DMRT1: variants seen among roughly 807,000 people sequenced by gnomAD.
DMRT1 encodes doublesex and mab-3 related transcription factor 1.
Under a neutral mutation model 32.3 loss-of-function variants are expected in DMRT1, and 7 were observed. The ratio of observed to expected loss-of-function variants is 0.22; its 90% CI spans 0.12 to 0.41. The LOEUF (loss-of-function observed/expected upper bound fraction) is 0.41, where lower values mean the gene tolerates loss of function less well. Ranked by LOEUF, DMRT1 falls within the 10% of genes least tolerant of loss-of-function variation. The pLI is 1.00. For synonymous variants in DMRT1, 278 were observed against 206.1 expected (o/e 1.35, Z -2.99); for missense variants, 625 against 500.5 (o/e 1.25, Z -2.37).
chr9:897,393 G>C (rs1040850500), intron 3 of DMRT1, among the ~76,000 whole-genome samples: 1 of 152,016 alleles, frequency 6.6e-6, no homozygotes, highest in Non-Finnish European at 1.5e-5. Flanking sequence ...TGGGATTACA[G>C]GCGTGAGGGA....
chr9:873,641 A>G (rs1227366794), intron 2 of DMRT1, among the ~76,000 whole-genome samples: 1 of 152,136 alleles, frequency 6.6e-6, no homozygotes, highest in Non-Finnish European at 1.5e-5. Context: ...TAATGTTCTT[A>G]GGTTATCGCT....
At chr9:934,561 G>C (rs1818825549) in intron 4 of DMRT1, among the ~76,000 whole-genome samples, 1 of 152,124 alleles carries the variant, frequency 6.6e-6, no homozygotes, top group Non-Finnish European at 1.5e-5. Context: ...ATTTTAAAAA[G>C]AGAAGTCATT....
chr9:860,810 G>A (rs1815625205), intron 2 of DMRT1, among the ~76,000 whole-genome samples: 1 of 152,220 alleles, frequency 6.6e-6, no homozygotes, highest in Admixed American at 6.5e-5. Context: ...TTCTCATCAA[G>A]ATCTGGGGAA....
rs912010164 is a variant in DMRT1, at chr9:915,462, C to T, written c.823-1301C>T. On this transcript the variant is annotated intron_variant, in intron 3 of 4. Coordinates refer to ENST00000382276, the MANE Select transcript of DMRT1 (RefSeq NM_021951.3). ...GGTCCTAAAGGCAGGGTCTGGTTGC[C>T]GGAAAAAAATGAATGACTGCTGTGC... is the stretch of plus-strand genomic sequence containing the variant. 4.0e-5 allele frequency among the ~76,000 whole-genome samples: 6 copies of T among 150,342 alleles called. No individual in the cohort carries two copies. In the East Asian group the frequency reaches 6.0e-4, roughly 15 times the overall value.
Position 894,019 on chromosome 9 carries a change from C to A in DMRT1, c.646C>A (p.Pro216Thr). ...CACCTACTACAGCAGCTTCTACCAG[C>A]CGTCTCTGTTTCCTTATTACAACAA... ...DSTYYSSFYQ[P>T]SLFPYYNNLY... Residue 216 changes from proline (P) to threonine (T), a missense_variant, in exon 3 of 5, where the codon CCG (proline) becomes ACG (threonine). Physicochemically the swap from Pro to Thr is conservative, Grantham distance 38. Coordinates refer to ENST00000382276, the MANE Select transcript of DMRT1 (RefSeq NM_021951.3). 6.2e-7 allele frequency: 1 copy of A among 1,614,268 alleles called. No individual in the cohort carries two copies. The highest frequency in any genetic ancestry group is 8.5e-7 in the Non-Finnish European group (1 of 1,180,038).
intron 3 of DMRT1, among the ~76,000 whole-genome samples, chr9:898,637 A>T (rs1312253339): frequency 1.3e-5 from 2 of 152,034 alleles, no homozygotes; most frequent in Non-Finnish European, 2.9e-5. Context: ...CCACCGCTGC[A>T]CTTGGAGAGC....
intron 3 of DMRT1, among the ~76,000 whole-genome samples, chr9:914,273 A>G (rs992361901): frequency 6.6e-6 from 1 of 151,754 alleles, no homozygotes; most frequent in African/African-American, 2.4e-5. Flanking sequence ...TTAACCTTCT[A>G]TTTAGTAAAG....
At chr9:947,954 A>C (rs755616678) in intron 4 of DMRT1, among the ~76,000 whole-genome samples, 3 of 152,310 alleles carry the variant, frequency 2.0e-5, no homozygotes, top group Middle Eastern at 3.4e-3. Context: ...TGTTTCTGTT[A>C]GATGTTCCAG....
intron 4 of DMRT1, among the ~76,000 whole-genome samples, chr9:934,217 A>C (rs1285712054): frequency 6.6e-6 from 1 of 152,146 alleles, no homozygotes; most frequent in Non-Finnish European, 1.5e-5. Context: ...ATCAGATAGA[A>C]GATGTGCACA....
chr9:894,791 G>GTTTTTTTTTTTT (rs1231759673), intron 3 of DMRT1: 9 of 147,992 alleles, frequency 6.1e-5, no homozygotes, highest in East Asian at 4.0e-4. Context: ...CTCCAAGTTT[G>GTTTTTTTTTTTT]TTTTTTTTTT....
chr9:848,799 C>A (rs920855633), intron 2 of DMRT1, among the ~76,000 whole-genome samples: 3 of 145,508 alleles, frequency 2.1e-5, no homozygotes, highest in Non-Finnish European at 4.5e-5. Flanking sequence ...AAGTGATCCA[C>A]CCACCTCAGC....
intron 2 of DMRT1, among the ~76,000 whole-genome samples, chr9:881,115 C>G (rs575979091): frequency 6.6e-6 from 1 of 152,050 alleles, no homozygotes; most frequent in Non-Finnish European, 1.5e-5. Context: ...ATAGACCCCC[C>G]CCACCTCCTC....
At chr9:908,157 T>C (rs1156531224) in intron 3 of DMRT1, among the ~76,000 whole-genome samples, 1 of 152,204 alleles carries the variant, frequency 6.6e-6, no homozygotes, top group Non-Finnish European at 1.5e-5. Context: ...TAATGGGTAT[T>C]CAGGATTGTT....
At chr9:960,880 G>T (rs188455352) in intron 4 of DMRT1, among the ~76,000 whole-genome samples, 1 of 152,184 alleles carries the variant, frequency 6.6e-6, no homozygotes, top group Admixed American at 6.5e-5. Flanking sequence ...GAAGTGGAGT[G>T]GGGGAGCAGT....
chr9:936,500 C>G (rs935766478), intron 4 of DMRT1, among the ~76,000 whole-genome samples: 2 of 152,056 alleles, frequency 1.3e-5, no homozygotes, highest in Non-Finnish European at 2.9e-5. Flanking sequence ...GCCTGTAATC[C>G]TAGAACTTTG....
chr9:895,384 G>A (rs1817314211), intron 3 of DMRT1, among the ~76,000 whole-genome samples: 1 of 152,172 alleles, frequency 6.6e-6, no homozygotes, highest in Non-Finnish European at 1.5e-5. Flanking sequence ...CCAAGTGAAA[G>A]ACATTAGGAT....
At chr9:866,346 G>A (rs1341400339) in intron 2 of DMRT1, among the ~76,000 whole-genome samples, 1 of 151,972 alleles carries the variant, frequency 6.6e-6, no homozygotes, top group Non-Finnish European at 1.5e-5. Flanking sequence ...CTGGCCTGCG[G>A]GTGGGACAAG....
At chr9:941,336 C>T (rs575933543) in intron 4 of DMRT1, among the ~76,000 whole-genome samples, 3 of 118,196 alleles carry the variant, frequency 2.5e-5, no homozygotes, top group African/African-American at 9.2e-5. Flanking sequence ...CCCTCCCCCC[C>T]CCCACACATA....
intron 2 of DMRT1, among the ~76,000 whole-genome samples, chr9:866,158 C>G (rs1227633930): frequency 1.6e-5 from 1 of 60,746 alleles, no homozygotes; most frequent in Non-Finnish European, 3.2e-5. Flanking sequence ...AGTGAGAGTC[C>G]ATCTCAAAAA....
Sources: allele counts gnomAD v4.1 joint callset (sites outside exome capture counted in the v4.1 genomes callset), GRCh38; gene constraint gnomAD v4.1.1; transcripts MANE v1.5; gene names NCBI Gene and HGNC (gene_info 2026-07-23, HGNC 2026-07-21).